OR51C1: variants seen among roughly 807,000 people sequenced by gnomAD.
OR51C1 encodes olfactory receptor OR51C1.
chr11:4,691,519 A>G, the OR51C1 span: 1 of 456,870 alleles, frequency 2.2e-6, no homozygotes, highest in Non-Finnish European at 4.4e-6. Flanking sequence ...AGGAAATAGT[A>G]CATTGGTTCG....
chr11:4,692,870 G>T, the OR51C1 span, among the ~76,000 whole-genome samples: 1 of 151,466 alleles, frequency 6.6e-6, no homozygotes, highest in Non-Finnish European at 1.5e-5. Flanking sequence ...AAGGGGGGGT[G>T]GGGGTGTGAT....
chr11:4,691,556 G>C, the OR51C1 span: 4 of 456,866 alleles, frequency 8.8e-6, no homozygotes, highest in African/African-American at 4.0e-5. Flanking sequence ...TGATGGTAGC[G>C]AAGAGGATCA....
the OR51C1 span, among the ~76,000 whole-genome samples, chr11:4,691,938 G>T: frequency 1.3e-5 from 2 of 152,082 alleles, no homozygotes; most frequent in African/African-American, 4.8e-5. Flanking sequence ...CTTCTCTAGG[G>T]CCCTTTGCTG....
the OR51C1 span, among the ~76,000 whole-genome samples, chr11:4,693,366 A>G: frequency 1.3e-5 from 2 of 152,218 alleles, no homozygotes; most frequent in Non-Finnish European, 2.9e-5. Context: ...TGCTTGAAAG[A>G]TTTCTGTGTT....
chr11:4,696,057 G>T, the OR51C1 span, among the ~76,000 whole-genome samples: 1 of 152,122 alleles, frequency 6.6e-6, no homozygotes, highest in African/African-American at 2.4e-5. Flanking sequence ...AAGCGTAAAG[G>T]TAGTAATGAG....
the OR51C1 span, among the ~76,000 whole-genome samples, chr11:4,694,588 A>ACACT: frequency 4.6e-5 from 7 of 151,606 alleles, no homozygotes; most frequent in Non-Finnish European, 8.8e-5. Flanking sequence ...ACACACACAC[A>ACACT]CACACACACA....
the OR51C1 span, chr11:4,690,798 C>T: frequency 1.4e-4 from 61 of 430,714 alleles, no homozygotes; most frequent in Non-Finnish European, 2.5e-4. Context: ...CACAGCTCTA[C>T]GTATCTGTTT....
At chr11:4,691,022 G>C in the OR51C1 span, 1 of 456,418 alleles carries the variant, frequency 2.2e-6, no homozygotes, top group Non-Finnish European at 4.4e-6. Flanking sequence ...CAACGCTAAG[G>C]ACAGTCCTAA....
the OR51C1 span, chr11:4,691,528 C>T: frequency 2.8e-5 from 13 of 456,688 alleles, no homozygotes; most frequent in South Asian, 1.2e-4. Context: ...TACATTGGTT[C>T]GTGGAGGCTG....
the OR51C1 span, chr11:4,690,832 G>A: frequency 2.2e-6 from 1 of 454,168 alleles, no homozygotes; most frequent in Non-Finnish European, 4.4e-6. Flanking sequence ...TAGATGACAG[G>A]GTTCATCAAA....
chr11:4,693,036 C>G, the OR51C1 span, among the ~76,000 whole-genome samples: 5 of 152,040 alleles, frequency 3.3e-5, no homozygotes, highest in Non-Finnish European at 7.3e-5. Flanking sequence ...ATGATCAAAC[C>G]TCTTAGAGAA....
At chr11:4,697,655 A>C in the OR51C1 span, 1 of 152,648 alleles carries the variant, frequency 6.6e-6, no homozygotes, top group Non-Finnish European at 1.5e-5. Context: ...TTACTTACAG[A>C]GCCCATACAG....
At chr11:4,691,322 G>A in the OR51C1 span, 18 of 457,308 alleles carry the variant, frequency 3.9e-5, no homozygotes, top group East Asian at 4.2e-4. Context: ...GATTAGAGAC[G>A]GCCACAAAAC....
the OR51C1 span, among the ~76,000 whole-genome samples, chr11:4,694,339 A>G: frequency 1.3e-5 from 2 of 151,912 alleles, no homozygotes; most frequent in East Asian, 1.9e-4. Context: ...TTACAAGCAT[A>G]TCTTCCTGCA....
chr11:4,695,890 A>G, the OR51C1 span, among the ~76,000 whole-genome samples: 3 of 151,930 alleles, frequency 2.0e-5, no homozygotes, highest in Non-Finnish European at 4.4e-5. Flanking sequence ...CTTGCTTTTC[A>G]TATGCTCTCC....
the OR51C1 span, chr11:4,690,986 G>A: frequency 2.2e-6 from 1 of 454,748 alleles, no homozygotes; most frequent in Non-Finnish European, 4.4e-6. Context: ...ATGTACTGAA[G>A]GTTTCCTTCC....
chr11:4,692,246 C>T, the OR51C1 span: 1 of 403,300 alleles, frequency 2.5e-6, no homozygotes, highest in Non-Finnish European at 4.9e-6. Context: ...TACAAAGTAA[C>T]ACATAGGAAG....
At chr11:4,691,126 C>T in the OR51C1 span, 1 of 456,504 alleles carries the variant, frequency 2.2e-6, no homozygotes, top group Non-Finnish European at 4.4e-6. Context: ...ATTCTGGTGT[C>T]TGTGCATGAG....
the OR51C1 span, among the ~76,000 whole-genome samples, chr11:4,695,280 A>G: frequency 6.6e-6 from 1 of 152,180 alleles, no homozygotes; most frequent in African/African-American, 2.4e-5. Context: ...AATGCCAACA[A>G]AATTCCTTTC....
Sources: gnomAD v4.1 joint callset for allele counts (sites outside exome capture counted in the v4.1 genomes callset) on GRCh38, gnomAD v4.1.1 for gene constraint, MANE v1.5 for transcripts, NCBI Gene and HGNC (gene_info 2026-07-23, HGNC 2026-07-21) for gene names.